The following PSMC6 variants were observed in gnomAD, a reference collection of about 807,000 sequenced individuals.
The protein encoded by PSMC6 is proteasome 26S subunit, ATPase 6.
In PSMC6, 3 loss-of-function variants were observed where a neutral mutation model predicts 55.9. That is an observed-to-expected ratio of 0.05 (90% CI 0.02 to 0.14). PSMC6 has a LOEUF of 0.14. PSMC6 is among the 10% of genes least tolerant of loss of function. The pLI is 1.00. For missense variants in PSMC6, 210 were observed against 478.7 expected, an observed-to-expected ratio of 0.44 and a Z score of 5.24; for synonymous variants, 137 against 155.9, an observed-to-expected ratio of 0.88 and a Z score of 0.90.
At chr14:52,715,963 A>G (rs1286084025) in intron 7 of PSMC6, among the ~76,000 whole-genome samples, 1 of 152,166 alleles carries the variant, frequency 6.6e-6, no homozygotes, top group Non-Finnish European at 1.5e-5. Flanking sequence ...TTCTGATGAG[A>G]TAAGTGGTGA....
rs1880513938 is a variant in PSMC6, at chr14:52,728,500, G to C, written c.*883G>C. 6.6e-6 allele frequency: 1 copy of C among 152,214 alleles called. No homozygotes were observed. The highest frequency in any genetic ancestry group is 2.4e-5 in the African/African-American group (1 of 41,440). 9.4% of individuals were successfully genotyped at this position (152,214 alleles called of 1,614,324 possible). ...CTGGCTAAGAGTGTATGATGTAGGG[G>C]ATGTAGGAGTGTCAGAAATGTTCAA... On this transcript the variant is annotated 3_prime_UTR_variant, in exon 14 of 14. Coordinates refer to ENST00000445930, the MANE Select transcript of PSMC6 (RefSeq NM_002806.5).
Position 52,718,131 on chromosome 14 carries a change from A to G in PSMC6, c.580A>G (p.Asn194Asp). Residue 194 changes from asparagine (N) to aspartate (D), a missense_variant, in exon 8 of 14, where the codon AAT becomes GAT. Asn to Asp is a conservative substitution (Grantham distance 23, BLOSUM62 1). Around this residue, in one of 4 missense-constraint regions of PSMC6, gnomAD observed 101 missense variants for 250.4 expected, o/e 0.40. Coordinates refer to ENST00000445930, the MANE Select transcript of PSMC6 (RefSeq NM_002806.5). ...AGCCGTTGCTAGCCAGCTGGACTGC[A>G]ATTTCTTAAAGGTAAAGGGAAGATT... ...ARAVASQLDCNFLKVVSSSIV... is the reference protein window; with the variant it reads ...ARAVASQLDCDFLKVVSSSIV... 1.9e-6 allele frequency: 3 copies of G among 1,613,602 alleles called. No individual in the cohort carries two copies. Among genetic ancestry groups the G allele is most frequent in the Non-Finnish European group, 2.5e-6 (3 of 1,179,708 alleles).
intron 4 of PSMC6, 121 bp from the exon 5 acceptor site, chr14:52,710,980 T>C: frequency 3.4e-6 from 3 of 870,892 alleles, no homozygotes; most frequent in Non-Finnish European, 3.8e-6. Context: ...GTTTATAATC[T>C]GATATTTGTG....
chr14:52,720,800 G>C (rs1420421133), intron 10 of PSMC6, 61 bp from the exon 11 acceptor site: 1 of 1,346,104 alleles, frequency 7.4e-7, no homozygotes, highest in Non-Finnish European at 1.0e-6. Context: ...CATATAAAAG[G>C]TGTGTGCTAT....
rs1409077635 is a variant in PSMC6 at position 52,707,240 on chromosome 14, G to A, written c.21G>A (p.Lys7=). 6.2e-7 allele frequency: 1 copy of A among 1,613,538 alleles called. No individual in the cohort carries two copies. The highest frequency in any genetic ancestry group is 8.5e-7 in the Non-Finnish European group (1 of 1,179,816). Residue 7 remains lysine, a synonymous_variant, in exon 1 of 14, where the codon AAG becomes AAA. Transcript: ENST00000445930. ...TCATCATGGCGGACCCTAGAGATAA[G>A]GCGCTTCAGGACTACCGCAAGAAGT... MADPRD[K]ALQDYRKKLL...
chr14:52,721,681 A>T (rs2041892618), intron 12 of PSMC6: 1 of 152,732 alleles, frequency 6.5e-6, no homozygotes. Context: ...GAAAAGGGGG[A>T]TAGGAAATTA....
chr14:52,711,256 AT>A, intron 5 of PSMC6, 88 bp downstream of exon 5: 1 of 1,385,766 alleles, frequency 7.2e-7, no homozygotes, highest in South Asian at 1.2e-5. Context: ...ATCACTGAAT[AT>A]TTTGGCACTT....
chr14:52,726,729 C>T (rs1227945045), intron 13 of PSMC6, among the ~76,000 whole-genome samples: 2 of 152,140 alleles, frequency 1.3e-5, no homozygotes. Flanking sequence ...GCAACCTCTG[C>T]CTCCCGGGTT....
At chr14:52,718,935 GAA>G (rs2041859974) in intron 9 of PSMC6, 40 bp from the exon 10 acceptor site, 1 of 1,452,086 alleles carries the variant, frequency 6.9e-7, no homozygotes, top group Non-Finnish European at 9.6e-7. Flanking sequence ...GGTTGTAGAG[GAA>G]AAGAGTAATG....
At chr14:52,714,004 T>C (rs534273888) in intron 7 of PSMC6, 36 bp downstream of exon 7, 1 of 1,198,722 alleles carries the variant, frequency 8.3e-7, no homozygotes, top group South Asian at 1.4e-5. Context: ...ACCAATAAGA[T>C]AAATGAATTA....
At chr14:52,719,758 A>AAT (rs1461948161) in intron 10 of PSMC6, among the ~76,000 whole-genome samples, 20 of 152,356 alleles carry the variant, frequency 1.3e-4, no homozygotes, top group African/African-American at 4.8e-4. Context: ...AAATAACACA[A>AAT]ATACTCATTT....
At chr14:52,727,246 G>A (rs1331009887) in intron 13 of PSMC6, among the ~76,000 whole-genome samples, 2 of 148,918 alleles carry the variant, frequency 1.3e-5, no homozygotes, top group African/African-American at 5.0e-5. Context: ...GGCCAGGATG[G>A]TCTTAATCTC....
At chr14:52,714,178 C>T in intron 7 of PSMC6, 2 of 411,126 alleles carry the variant, frequency 4.9e-6, no homozygotes, top group East Asian at 3.9e-5. Flanking sequence ...GTAGCTGGGA[C>T]TGCAGGCGTG....
intron 10 of PSMC6, among the ~76,000 whole-genome samples, chr14:52,719,577 A>G (rs2041866636): frequency 6.6e-6 from 1 of 152,168 alleles, no homozygotes; most frequent in South Asian, 2.1e-4. Context: ...GTCCAAATAC[A>G]TTTTCCACTT....
intron 4 of PSMC6, among the ~76,000 whole-genome samples, chr14:52,709,288 A>T (rs986512423): frequency 4.6e-5 from 7 of 152,250 alleles, no homozygotes; most frequent in African/African-American, 1.7e-4. Flanking sequence ...AAAGATGCCA[A>T]CAAATGACCT....
intron 12 of PSMC6, chr14:52,721,565 C>T: frequency 6.3e-6 from 1 of 158,352 alleles, no homozygotes; most frequent in Non-Finnish European, 1.4e-5. Context: ...GTTTTGGAGG[C>T]CGAGGCAGAA....
intron 9 of PSMC6, 119 bp from the exon 10 acceptor site, chr14:52,718,858 C>T (rs1381042100): frequency 2.6e-6 from 2 of 768,820 alleles, no homozygotes; most frequent in Non-Finnish European, 4.3e-6. Context: ...CAGCATAATT[C>T]TTGCTCTTTA....
chr14:52,712,332 T>C lies in PSMC6; in HGVS notation c.441+808T>C, dbSNP rs76872046. On this transcript the variant is annotated intron_variant, in intron 6 of 13. Coordinates refer to ENST00000445930, the MANE Select transcript of PSMC6 (RefSeq NM_002806.5). ...CATTTAAACAAGCATTCCAAGTGAT[T>C]ATGAAACCAAATTTTTCTTTGACAA... Among the ~76,000 whole-genome samples the C allele has an allele frequency of 2.4e-3, 360 of 149,742 alleles. 1 individual carries two copies. Among genetic ancestry groups the C allele is most frequent in the Non-Finnish European group, 4.0e-3 (270 of 67,694 alleles).
At chr14:52,711,384 G>C in intron 5 of PSMC6, 26 bp from the exon 6 acceptor site, 1 of 1,557,080 alleles carries the variant, frequency 6.4e-7, no homozygotes, top group South Asian at 1.1e-5. Flanking sequence ...TCTTTCAAAA[G>C]AAAAATACAT....
Sources: allele counts gnomAD v4.1 joint callset (sites outside exome capture counted in the v4.1 genomes callset), GRCh38; gene constraint gnomAD v4.1.1; regional missense constraint gnomAD v4.1.1; transcripts MANE v1.5; gene names NCBI Gene and HGNC (gene_info 2026-07-23, HGNC 2026-07-21).